The following WDHD1 variants were observed in gnomAD, a reference collection of about 807,000 sequenced individuals.
WDHD1 encodes the protein WD repeat and HMG-box DNA-binding protein 1.
A neutral mutation model predicts 135.4 loss-of-function variants in WDHD1; 111 were observed. The observed-to-expected ratio is 0.82, with a 90% CI of 0.70 to 0.96. The LOEUF is 0.96. WDHD1 is among the 40% of genes least tolerant of loss of function. The pLI, the probability that WDHD1 is intolerant of heterozygous loss-of-function variation, is 0.00. For synonymous variants in WDHD1, 434 were observed against 439.0 expected (o/e 0.99, Z 0.14); for missense variants, 1,351 against 1,336.3 (o/e 1.01, Z -0.17).
chr14:54,975,082 AT>A (rs2041503593), intron 16 of WDHD1, among the ~76,000 whole-genome samples: 3 of 152,336 alleles, frequency 2.0e-5, no homozygotes, highest in Admixed American at 2.0e-4. Context: ...ATAAATGCTA[AT>A]TCAGTGAACA....
At chr14:55,007,245 A>AAAAAG (rs1555371808) in intron 7 of WDHD1, 35 bp downstream of exon 7, 304 of 1,478,710 alleles carry the variant, frequency 2.1e-4, no homozygotes, top group Middle Eastern at 4.3e-4. Flanking sequence ...AAAAAAAAAA[A>AAAAAG]AAAAGAAAAG....
rs913363716 is a variant in WDHD1, at chr14:55,027,061, CA to C, written c.-51del. Reference sequence around the variant, plus strand: ...CCGAGCCTCCGCCACTGAGGATCCACAAGAGCTGCTTCCCGCGCTTCGGCTC... The same window carrying C: ...CCGAGCCTCCGCCACTGAGGATCCACAGAGCTGCTTCCCGCGCTTCGGCTC... On this transcript the variant is annotated 5_prime_UTR_variant, in exon 1 of 26. Coordinates refer to ENST00000360586, the MANE Select transcript of WDHD1 (RefSeq NM_007086.4). 9.0e-6 allele frequency: 4 copies of C among 442,894 alleles called. No homozygotes were observed. Among genetic ancestry groups the C allele is most frequent in the African/African-American group, 7.9e-5 (4 of 50,792 alleles). 27.4% of individuals were successfully genotyped at this position (442,894 alleles called of 1,614,324 possible).
chr14:54,942,827 G>C (rs1197731296), intron 25 of WDHD1, among the ~76,000 whole-genome samples: 1 of 152,102 alleles, frequency 6.6e-6, no homozygotes, highest in Non-Finnish European at 1.5e-5. Flanking sequence ...TAAATGTTTA[G>C]GGTTTACCTT....
chr14:55,015,338 G>T (rs1433196116), intron 2 of WDHD1, among the ~76,000 whole-genome samples: 1 of 119,064 alleles, frequency 8.4e-6, no homozygotes, highest in Admixed American at 1.2e-4. Context: ...AGTGAGCCGA[G>T]ATCGCACTAC....
At chr14:54,950,484 C>T (rs1289227317) in intron 24 of WDHD1, among the ~76,000 whole-genome samples, 2 of 152,016 alleles carry the variant, frequency 1.3e-5, no homozygotes, top group South Asian at 2.1e-4. Flanking sequence ...TACAGGAGCA[C>T]CCAGATTCAT....
chr14:55,016,267 G>A (rs1415938317), intron 2 of WDHD1, among the ~76,000 whole-genome samples: 1 of 152,076 alleles, frequency 6.6e-6, no homozygotes, highest in Non-Finnish European at 1.5e-5. Context: ...GGAAAAAAAT[G>A]AAAACCAACA....
chr14:54,952,461 A>T (rs2041075156), intron 24 of WDHD1, among the ~76,000 whole-genome samples: 2 of 152,232 alleles, frequency 1.3e-5, no homozygotes, highest in Non-Finnish European at 2.9e-5. Flanking sequence ...CTTCAAAGAG[A>T]ACTACAAACC....
chr14:54,943,324 A>G (rs751411015), intron 25 of WDHD1, among the ~76,000 whole-genome samples: 1 of 152,232 alleles, frequency 6.6e-6, no homozygotes, highest in Non-Finnish European at 1.5e-5. Context: ...GTAAGTAGAT[A>G]CAATTTTTAA....
chr14:55,019,092 AAAC>A (rs2042304137), intron 2 of WDHD1, among the ~76,000 whole-genome samples: 2 of 152,234 alleles, frequency 1.3e-5, no homozygotes, highest in Non-Finnish European at 2.9e-5. Context: ...ATGCAACTCT[AAAC>A]AAGGCTACAG....
chr14:54,957,317 G>T, intron 22 of WDHD1, 113 bp from the exon 23 acceptor site: 1 of 1,147,970 alleles, frequency 8.7e-7, no homozygotes, highest in African/African-American at 1.6e-5. Flanking sequence ...CTCATCTTTA[G>T]AACTAAATAC....
intron 24 of WDHD1, among the ~76,000 whole-genome samples, chr14:54,948,326 A>G (rs117432389): frequency 0.025 from 3,859 of 152,278 alleles, 67 homozygotes; most frequent in South Asian, 0.048. Context: ...GACACACAGC[A>G]CCTGGAAAAT....
chr14:54,956,901 A>C, intron 23 of WDHD1, 133 bp downstream of exon 23: 1 of 1,166,242 alleles, frequency 8.6e-7, no homozygotes. Context: ...CAAAAACAGA[A>C]TTGAACCCAC....
intron 7 of WDHD1, 105 bp from the exon 8 acceptor site, chr14:55,002,290 CA>C: frequency 2.5e-6 from 2 of 809,692 alleles, no homozygotes. Flanking sequence ...GACATAAAAG[CA>C]AATTAGTTTT....
chr14:54,982,291 G>T (rs1169777399), intron 15 of WDHD1, among the ~76,000 whole-genome samples: 1 of 152,136 alleles, frequency 6.6e-6, no homozygotes, highest in Non-Finnish European at 1.5e-5. Context: ...TTACAGGCGT[G>T]AGCCACCGCG....
At chr14:54,953,732 T>C (rs1223086591) in intron 24 of WDHD1, among the ~76,000 whole-genome samples, 1 of 152,134 alleles carries the variant, frequency 6.6e-6, no homozygotes, top group East Asian at 1.9e-4. Flanking sequence ...TAAATGTTCA[T>C]CAATGATAGA....
At chr14:55,012,604 C>G (rs1405315448) in intron 3 of WDHD1, among the ~76,000 whole-genome samples, 1 of 152,156 alleles carries the variant, frequency 6.6e-6, no homozygotes, top group Non-Finnish European at 1.5e-5. Flanking sequence ...ATCCCACAGA[C>G]TGGGTAATTT....
intron 14 of WDHD1, 93 bp from the exon 15 acceptor site, chr14:54,984,953 A>G (rs967357301): frequency 1.5e-5 from 23 of 1,503,988 alleles, no homozygotes; most frequent in Non-Finnish European, 2.0e-5. Context: ...TTTGTGGTAA[A>G]TTACTAGACT....
At chr14:55,007,511 A>C (rs953894226) in intron 6 of WDHD1, 136 bp from the exon 7 acceptor site, 1 of 595,180 alleles carries the variant, frequency 1.7e-6, no homozygotes, top group Non-Finnish European at 2.8e-6. Flanking sequence ...CTTAATTATA[A>C]TAATACCTGA....
chr14:54,951,947 A>G (rs2041063853), intron 24 of WDHD1, among the ~76,000 whole-genome samples: 1 of 152,238 alleles, frequency 6.6e-6, no homozygotes, highest in Non-Finnish European at 1.5e-5. Context: ...ACAACGCTTC[A>G]TGCTAAAAAA....
Sources: allele counts gnomAD v4.1 joint callset (sites outside exome capture counted in the v4.1 genomes callset), GRCh38; gene constraint gnomAD v4.1.1; transcripts MANE v1.5; gene names NCBI Gene and HGNC (gene_info 2026-07-23, HGNC 2026-07-21).